The following CFAP46 variants were observed in gnomAD, a reference collection of about 807,000 sequenced individuals.
The protein encoded by CFAP46 is cilia and flagella associated protein 46.
Under a neutral mutation model 325.7 loss-of-function variants are expected in CFAP46, and 245 were observed. The ratio of observed to expected loss-of-function variants is 0.75; its 90% CI spans 0.68 to 0.84. CFAP46 has a LOEUF of 0.84. Among genes scored for constraint, CFAP46 ranks in the 40% least tolerant of loss-of-function variants. CFAP46 has a pLI of 0.00. For missense variants in CFAP46, 3,346 were observed against 3,543.0 expected (o/e 0.94, Z 1.41); for synonymous variants, 1,523 against 1,495.9 (o/e 1.02, Z -0.42).
chr10:132,927,561 G>A (rs1019596479), intron 9 of CFAP46, among the ~76,000 whole-genome samples: 14 of 152,218 alleles, frequency 9.2e-5, no homozygotes, highest in African/African-American at 2.2e-4. Context: ...TGTGTGCCCC[G>A]GCCTGTCCAG....
At chr10:132,866,445 C>T (rs1848813573) in intron 34 of CFAP46, among the ~76,000 whole-genome samples, 1 of 152,234 alleles carries the variant, frequency 6.6e-6, no homozygotes, top group Non-Finnish European at 1.5e-5. Context: ...AAGCCCACCA[C>T]TAGCCACGTA....
chr10:132,838,768 A>G (rs1343221847), intron 44 of CFAP46, among the ~76,000 whole-genome samples: 1 of 152,250 alleles, frequency 6.6e-6, no homozygotes, highest in Admixed American at 6.5e-5. Context: ...TGTGTCAGCT[A>G]CAGCGATTCT....
At chr10:132,885,052 T>G (rs1591071291) in intron 27 of CFAP46, 51 bp downstream of exon 27, 3 of 1,505,968 alleles carry the variant, frequency 2.0e-6, no homozygotes, top group Non-Finnish European at 2.7e-6. Context: ...GGTTCTCCCT[T>G]TCACTAAAGG....
chr10:132,928,517 A>G (rs1849844100), intron 9 of CFAP46, among the ~76,000 whole-genome samples: 1 of 151,580 alleles, frequency 6.6e-6, no homozygotes, highest in Non-Finnish European at 1.5e-5. Flanking sequence ...TCCTATTCTG[A>G]AACCATTTCC....
intron 15 of CFAP46, 42 bp from the exon 16 acceptor site, chr10:132,918,562 G>A (rs1849673344): frequency 1.3e-6 from 2 of 1,488,860 alleles, no homozygotes; most frequent in Non-Finnish European, 1.8e-6. Context: ...TTTTTTTCTA[G>A]CAAATAAATA....
intron 9 of CFAP46, among the ~76,000 whole-genome samples, chr10:132,927,638 C>T (rs959004571): frequency 2.6e-4 from 40 of 152,338 alleles, no homozygotes; most frequent in African/African-American, 6.3e-4. Flanking sequence ...AAAAGCGTTC[C>T]GTGCTTCCCA....
chr10:132,877,207 G>T lies in CFAP46; in HGVS notation c.4213-246C>A, dbSNP rs144528505. Among the ~76,000 whole-genome samples, 1 of 152,194 alleles carries T rather than the reference G, an allele frequency of 6.6e-6. No homozygotes were observed. The highest frequency in any genetic ancestry group is 1.5e-5 in the Non-Finnish European group (1 of 68,030). ...GGGGGTGCCCAGGCTCAGGACTCCC[G>T]AGAGCTAAGGCTCTGCAGCCTCTGC... On this transcript the variant is annotated intron_variant, in intron 30 of 57. Transcript: ENST00000368586. The surrounding 1 kb of genome is among the most constrained non-coding windows in gnomAD (Gnocchi z 5.7).
intron 16 of CFAP46, among the ~76,000 whole-genome samples, chr10:132,916,933 G>A (rs1008445581): frequency 2.0e-5 from 3 of 152,180 alleles, no homozygotes; most frequent in African/African-American, 7.2e-5. Context: ...CCAGAGCACC[G>A]CACACCCCAG....
chr10:132,938,745 A>G lies in CFAP46; in HGVS notation c.380T>C (p.Phe127Ser). The change falls in exon 5 of 58, where the codon TTT (phenylalanine) becomes TCT (serine). Residue 127 changes from phenylalanine to serine, a missense_variant. Transcript: ENST00000368586. ...GAGGACTGATGCATTGTACACCAAAAAGTAGTACCTGCGGCGCGAGCAGAG... is the reference window on the plus strand; with the variant it reads ...GAGGACTGATGCATTGTACACCAAAGAGTAGTACCTGCGGCGCGAGCAGAG... ...NFAKGEPRYYFLVYNASVLYW... is the reference protein window; with the variant it reads ...NFAKGEPRYYSLVYNASVLYW... 1 of 1,612,186 alleles carries G rather than the reference A, an allele frequency of 6.2e-7. No homozygotes were observed. Among genetic ancestry groups the G allele is most frequent in the Non-Finnish European group, 8.5e-7 (1 of 1,179,272 alleles).
rs941117158 is a variant in CFAP46 at position 132,886,457 on chromosome 10, G to A, written c.3305-498C>T. 1.3e-5 allele frequency among the ~76,000 whole-genome samples: 2 copies of A among 152,194 alleles called. No individual in the cohort carries two copies. Among genetic ancestry groups the A allele is most frequent in the African/African-American group, 4.8e-5 (2 of 41,446 alleles). ...GTGACACGCAGAGGCAAAGGTGCCT[G>A]CCTTCAGGGCACACACAAAAATCGC... On this transcript the variant is annotated intron_variant, in intron 25 of 57. Coordinates refer to ENST00000368586, the MANE Select transcript of CFAP46 (RefSeq NM_001200049.3). This position sits in a 1 kb window ranked among gnomAD's most constrained non-coding sequence, Gnocchi z 5.8.
In CFAP46 at chr10:132,902,903, G is replaced by C. The variant is rs140955880; in HGVS notation, c.2925-3237C>G. On this transcript the variant is annotated intron_variant, in intron 22 of 57. Coordinates refer to ENST00000368586, the MANE Select transcript of CFAP46 (RefSeq NM_001200049.3). ...TAAGGTGTGTCTTTCTGAATGCCTG[G>C]AGTTCAGTGAGTTACGCCCCAATGT... Among the ~76,000 whole-genome samples the C allele has an allele frequency of 1.5e-4, 23 of 151,970 alleles. No individual in the cohort carries two copies. The East Asian group carries it at 4.5e-3, about 29-fold the overall frequency.
intron 35 of CFAP46, among the ~76,000 whole-genome samples, chr10:132,862,109 G>A (rs962553071): frequency 2.0e-5 from 3 of 152,216 alleles, no homozygotes; most frequent in South Asian, 2.1e-4. Context: ...TAGCAGCCTC[G>A]TGGGCAGTCA....
intron 19 of CFAP46, among the ~76,000 whole-genome samples, chr10:132,911,707 C>T (rs1235807963): frequency 6.6e-6 from 1 of 152,208 alleles, no homozygotes; most frequent in South Asian, 2.1e-4. Flanking sequence ...ATCCACATTC[C>T]ATGGGATAAA....
chr10:132,941,992 C>A lies in CFAP46; in HGVS notation c.162G>T (p.Glu54Asp). 1.3e-6 allele frequency: 2 copies of A among 1,551,900 alleles called. No homozygotes were observed. Among genetic ancestry groups the A allele is most frequent in the Non-Finnish European group, 1.7e-6 (2 of 1,147,062 alleles). The change falls in exon 2 of 58, where the codon GAG becomes GAT. Residue 54 changes from glutamate (E) to aspartate (D), a missense_variant. By Grantham distance (45) the Glu-to-Asp change is conservative. Transcript: ENST00000368586. ...FSPDLFVLCAEQALKMRQPEV... is the reference protein window; with the variant it reads ...FSPDLFVLCADQALKMRQPEV... ...GGGAACTAGTTACCTTCAGGGCCTG[C>A]TCTGCACACAGAACAAACAGGTCTG... is the stretch of plus-strand genomic sequence containing the variant.
At chr10:132,940,276 T>A (rs117260041) in intron 4 of CFAP46, among the ~76,000 whole-genome samples, 1 of 152,180 alleles carries the variant, frequency 6.6e-6, no homozygotes, top group East Asian at 1.9e-4. Flanking sequence ...AAACATTGTA[T>A]CCTATTTGAA....
chr10:132,908,637 TC>T lies in CFAP46; in HGVS notation c.2758-4del, dbSNP rs1272518821. 6.5e-7 allele frequency: 1 copy of T among 1,530,082 alleles called. No homozygotes were observed. The highest frequency in any genetic ancestry group is 8.8e-7 in the Non-Finnish European group (1 of 1,135,492). The allele number at this position is 1,530,082 out of a possible 1,614,324, so 94.8% of individuals were successfully genotyped here. On this transcript the variant is annotated splice_region_variant and splice_polypyrimidine_tract_variant and intron_variant, in intron 21 of 57. Transcript: ENST00000368586. ...CACTCGGAAGCCATTTTCACCAACTTCCGGTGGGTGGCAAGAGAAGGGGCAC... is the reference window on the plus strand; with the variant it reads ...CACTCGGAAGCCATTTTCACCAACTTCGGTGGGTGGCAAGAGAAGGGGCAC...
chr10:132,815,521 C>T (rs1303530391), intron 50 of CFAP46, among the ~76,000 whole-genome samples: 2 of 152,236 alleles, frequency 1.3e-5, no homozygotes, highest in East Asian at 1.9e-4. Context: ...TGGGGCATTG[C>T]GTTTGGTTCC....
intron 25 of CFAP46, among the ~76,000 whole-genome samples, chr10:132,887,580 C>T (rs1849170909): frequency 3.1e-5 from 1 of 31,842 alleles, no homozygotes; most frequent in Non-Finnish European, 6.6e-5. Context: ...CTCCTCTCCC[C>T]TCTTCTCTCC....
At chr10:132,849,175 T>C (rs1848493046) in intron 41 of CFAP46, among the ~76,000 whole-genome samples, 1 of 152,190 alleles carries the variant, frequency 6.6e-6, no homozygotes, top group Non-Finnish European at 1.5e-5. Context: ...GCAGCATTCA[T>C]GGATGAGGAC....
Sources: allele counts gnomAD v4.1 joint callset (sites outside exome capture counted in the v4.1 genomes callset), GRCh38; gene constraint gnomAD v4.1.1; non-coding constraint Gnocchi (gnomAD v3.1); transcripts MANE v1.5; gene names NCBI Gene and HGNC (gene_info 2026-07-23, HGNC 2026-07-21).